Variants in GABRG1 observed in about 807,000 individuals in gnomAD.
The protein encoded by GABRG1 is gamma-aminobutyric acid receptor subunit gamma-1.
GABRG1 carries 49 observed loss-of-function variants against 49.8 expected under a neutral mutation model. That is an observed-to-expected ratio of 0.98 (90% confidence interval 0.78 to 1.25). GABRG1 has a LOEUF of 1.25. Among genes scored for constraint, GABRG1 ranks in the 50% most tolerant of loss-of-function variants. The pLI is 0.00. For missense variants in GABRG1, 552 were observed against 552.3 expected (o/e 1.00, Z 0.01); for synonymous variants, 232 against 185.1 (o/e 1.25, Z -2.06).
At chr4:46,058,048 T>C (rs1718518013) in intron 7 of GABRG1, among the ~76,000 whole-genome samples, 169 bp downstream of exon 7, 1 of 152,118 alleles carries the variant, frequency 6.6e-6, no homozygotes. Context: ...TCTACTTTTC[T>C]TTTTTTACAT....
intron 5 of GABRG1, among the ~76,000 whole-genome samples, chr4:46,061,351 CAA>C (rs576716081): frequency 1.4e-5 from 2 of 146,912 alleles, no homozygotes; most frequent in African/African-American, 2.5e-5. Flanking sequence ...TAATAAAAGG[CAA>C]AAAAAAATGT....
chr4:46,079,001 C>T lies in GABRG1; in HGVS notation c.321+4985G>A, dbSNP rs138608581. Among the ~76,000 whole-genome samples, 285 of 151,402 alleles carry T rather than the reference C, an allele frequency of 1.9e-3. 1 individual carries two copies. The highest frequency in any genetic ancestry group is 3.0e-3 in the Non-Finnish European group (206 of 67,846). On this transcript the variant is annotated intron_variant, in intron 3 of 8. Transcript: ENST00000295452. ...AACAATATTATTGAGAAAAATCCCT[C>T]ATTTACATTCTATAATAAATAATGT...
At chr4:46,070,395 C>A (rs1035681214) in intron 3 of GABRG1, among the ~76,000 whole-genome samples, 1 of 151,454 alleles carries the variant, frequency 6.6e-6, no homozygotes, top group South Asian at 2.1e-4. Context: ...TAAAATAGAC[C>A]ATGAAGTAAT....
rs1318264661 is a variant in GABRG1, at chr4:46,036,144, T to C, written c.*4844A>G. 1 of 152,086 alleles carries C rather than the reference T, an allele frequency of 6.6e-6. No individual in the cohort carries two copies. The highest frequency in any genetic ancestry group is 2.1e-4 in the South Asian group (1 of 4,830). 9.4% of individuals were successfully genotyped at this position (152,086 alleles called of 1,614,324 possible). On this transcript the variant is annotated 3_prime_UTR_variant, in exon 9 of 9. Transcript: ENST00000295452. Reference sequence around the variant, plus strand: ...ACTCAAAGGGTCCAGGTATGTTTCATTGTCCAACAATAACAATTCTTTTAT... The same window carrying C: ...ACTCAAAGGGTCCAGGTATGTTTCACTGTCCAACAATAACAATTCTTTTAT...
chr4:46,096,648 G>A (rs1382487009), intron 2 of GABRG1, among the ~76,000 whole-genome samples: 1 of 151,578 alleles, frequency 6.6e-6, no homozygotes, highest in Non-Finnish European at 1.5e-5. Flanking sequence ...TTGTAGATGT[G>A]TAGGGAAAGA....
intron 3 of GABRG1, among the ~76,000 whole-genome samples, chr4:46,067,595 AG>A (rs1718965541): frequency 6.6e-6 from 1 of 152,116 alleles, no homozygotes; most frequent in Admixed American, 6.6e-5. Context: ...AGAGTAACTT[AG>A]GGAGATAATT....
chr4:46,054,169 A>G lies in GABRG1; in HGVS notation c.917-2531T>C, dbSNP rs1718352925. ...GATCAGATAGTTGTAGATATGCGGC[A>G]TTATTTCTGAGGGCTCTGTTCTGTT... On this transcript the variant is annotated intron_variant, in intron 7 of 8. Transcript: ENST00000295452. 7.2e-5 allele frequency among the ~76,000 whole-genome samples: 3 copies of G among 41,538 alleles called. 1 individual carries two copies. Among genetic ancestry groups the G allele is most frequent in the Non-Finnish European group, 1.3e-4 (3 of 22,846 alleles). The allele number at this position is 41,538 out of a possible 152,430, so 27.3% of individuals were successfully genotyped here.
intron 3 of GABRG1, among the ~76,000 whole-genome samples, chr4:46,082,477 C>T (rs1399256088): frequency 6.6e-6 from 1 of 151,710 alleles, no homozygotes; most frequent in Non-Finnish European, 1.5e-5. Flanking sequence ...CATCACTATC[C>T]CTGCAGGAAC....
intron 1 of GABRG1, among the ~76,000 whole-genome samples, chr4:46,115,888 T>C (rs1419343991): frequency 6.6e-6 from 1 of 150,688 alleles, no homozygotes; most frequent in African/African-American, 2.4e-5. Context: ...AAGAGTAATA[T>C]CAGAATACAT....
At chr4:46,071,216 A>C (rs1719105554) in intron 3 of GABRG1, among the ~76,000 whole-genome samples, 1 of 151,992 alleles carries the variant, frequency 6.6e-6, no homozygotes, top group Admixed American at 6.6e-5. Context: ...ATGGTAATAA[A>C]TAACTAACTT....
At chr4:46,093,473 A>T (rs1194125165) in intron 2 of GABRG1, among the ~76,000 whole-genome samples, 1 of 152,024 alleles carries the variant, frequency 6.6e-6, no homozygotes, top group Non-Finnish European at 1.5e-5. Context: ...GGGAGTGGGG[A>T]TGGTTAATGT....
chr4:46,075,149 C>G (rs2109416344), intron 3 of GABRG1, among the ~76,000 whole-genome samples: 1 of 151,948 alleles, frequency 6.6e-6, no homozygotes, highest in African/African-American at 2.4e-5. Flanking sequence ...TTCAATGACT[C>G]TTCCTCATAC....
At chr4:46,053,615 G>A (rs970814179) in intron 7 of GABRG1, among the ~76,000 whole-genome samples, 3 of 151,854 alleles carry the variant, frequency 2.0e-5, no homozygotes, top group Non-Finnish European at 4.4e-5. Flanking sequence ...CGTCAGCCCA[G>A]GTAGGTTTCC....
intron 7 of GABRG1, among the ~76,000 whole-genome samples, chr4:46,052,635 C>T (rs1304770678): frequency 2.6e-5 from 4 of 151,902 alleles, no homozygotes; most frequent in Non-Finnish European, 5.9e-5. Flanking sequence ...GCTAATATTT[C>T]TTTTAACCTA....
At chr4:46,091,269 CAG>C (rs1290961477) in intron 2 of GABRG1, among the ~76,000 whole-genome samples, 2 of 151,984 alleles carry the variant, frequency 1.3e-5, no homozygotes, top group East Asian at 3.9e-4. Flanking sequence ...GACCAAATGA[CAG>C]TGATTTTCTT....
chr4:46,095,621 T>C, intron 2 of GABRG1, among the ~76,000 whole-genome samples: 1 of 151,766 alleles, frequency 6.6e-6, no homozygotes. Context: ...AAGTTACCAG[T>C]GCAATTAGGC....
chr4:46,093,981 G>C (rs1032941269), intron 2 of GABRG1, among the ~76,000 whole-genome samples: 1 of 151,824 alleles, frequency 6.6e-6, no homozygotes, highest in East Asian at 1.9e-4. Flanking sequence ...TTCAGACCCA[G>C]ATTAAATTAA....
intron 7 of GABRG1, among the ~76,000 whole-genome samples, chr4:46,053,619 G>C (rs1057156679): frequency 1.3e-5 from 2 of 151,862 alleles, no homozygotes; most frequent in Non-Finnish European, 2.9e-5. Context: ...AGCCCAGGTA[G>C]GTTTCCAAAG....
At chr4:46,070,828 T>A (rs982707582) in intron 3 of GABRG1, among the ~76,000 whole-genome samples, 1 of 152,070 alleles carries the variant, frequency 6.6e-6, no homozygotes, top group African/African-American at 2.4e-5. Context: ...AGTCAATCTT[T>A]AAAGTGCTCA....
Sources: allele counts gnomAD v4.1 joint callset (sites outside exome capture counted in the v4.1 genomes callset), GRCh38; gene constraint gnomAD v4.1.1; transcripts MANE v1.5; gene names NCBI Gene and HGNC (gene_info 2026-07-23, HGNC 2026-07-21).